The following ARHGAP32 variants were observed in gnomAD, a reference collection of about 807,000 sequenced individuals.
ARHGAP32 encodes Rho GTPase activating protein 32, also known as rho GTPase-activating protein 32.
In ARHGAP32, 51 loss-of-function variants were observed where a neutral mutation model predicts 186.5. That is an observed-to-expected ratio of 0.27 (90% CI 0.22 to 0.35). The LOEUF is 0.35. ARHGAP32 is among the 10% of genes least tolerant of loss of function. The pLI, the probability that ARHGAP32 is intolerant of heterozygous loss-of-function variation, is 1.00. For missense variants in ARHGAP32, 2,186 were observed against 2,623.5 expected (o/e 0.83, Z 3.64); for synonymous variants, 950 against 964.3 (o/e 0.99, Z 0.27).
At chr11:129,016,213 C>G (rs1487873758) in intron 11 of ARHGAP32, among the ~76,000 whole-genome samples, 1 of 152,044 alleles carries the variant, frequency 6.6e-6, no homozygotes, top group Non-Finnish European at 1.5e-5. Flanking sequence ...GCCCATTTTT[C>G]TATTTTGTTG....
intron 10 of ARHGAP32, among the ~76,000 whole-genome samples, chr11:129,058,766 C>G (rs927846086): frequency 6.6e-6 from 1 of 152,182 alleles, no homozygotes; most frequent in Non-Finnish European, 1.5e-5. Context: ...TAAAAACCAC[C>G]GAACTAAGCT....
chr11:129,064,564 AC>A (rs1940623836), intron 8 of ARHGAP32, among the ~76,000 whole-genome samples: 1 of 152,168 alleles, frequency 6.6e-6, no homozygotes, highest in South Asian at 2.1e-4. Context: ...AAAAATGTAC[AC>A]CTTGCTGAAT....
chr11:129,246,514 C>G (rs1307137855), intron 1 of ARHGAP32, among the ~76,000 whole-genome samples: 1 of 152,024 alleles, frequency 6.6e-6, no homozygotes, highest in Non-Finnish European at 1.5e-5. Context: ...ATTATGAAAG[C>G]CAATACCTCG....
At chr11:129,086,739 T>G (rs1391269661) in intron 6 of ARHGAP32, among the ~76,000 whole-genome samples, 1 of 148,456 alleles carries the variant, frequency 6.7e-6, no homozygotes, top group Non-Finnish European at 1.5e-5. Context: ...GAGAATGGCG[T>G]GAACCCGGGA....
intron 1 of ARHGAP32, among the ~76,000 whole-genome samples, chr11:129,233,189 C>T (rs1944881933): frequency 6.6e-6 from 1 of 151,840 alleles, no homozygotes; most frequent in African/African-American, 2.4e-5. Context: ...TAGAGATGTG[C>T]ACTGAAATAG....
At chr11:129,127,407 G>C (rs528752329) in intron 2 of ARHGAP32, among the ~76,000 whole-genome samples, 5 of 152,168 alleles carry the variant, frequency 3.3e-5, no homozygotes, top group Non-Finnish European at 5.9e-5. Context: ...AGTTCAACTA[G>C]TCTGTGCCCA....
chr11:129,131,952 A>G (rs1209099476), intron 2 of ARHGAP32, among the ~76,000 whole-genome samples: 2 of 152,148 alleles, frequency 1.3e-5, no homozygotes, highest in Non-Finnish European at 2.9e-5. Context: ...TTTTATTTTT[A>G]AGTTCTGGGG....
At chr11:128,981,111 G>A (rs1351427554) in intron 17 of ARHGAP32, among the ~76,000 whole-genome samples, 2 of 152,128 alleles carry the variant, frequency 1.3e-5, no homozygotes, top group African/African-American at 4.8e-5. Flanking sequence ...CAATCACTCA[G>A]ATATTTTTAG....
chr11:129,238,637 C>G (rs563809390), intron 1 of ARHGAP32, among the ~76,000 whole-genome samples: 2 of 152,026 alleles, frequency 1.3e-5, no homozygotes, highest in Non-Finnish European at 2.9e-5. Context: ...CAGCTACTTA[C>G]AAGGCTCAGG....
At chr11:129,135,183 T>C (rs181326710) in intron 2 of ARHGAP32, among the ~76,000 whole-genome samples, 1 of 152,294 alleles carries the variant, frequency 6.6e-6, no homozygotes, top group East Asian at 1.9e-4. Context: ...AAACTAATTC[T>C]AAAAATGTAT....
At chr11:129,124,379 G>A (rs1418774572) in intron 3 of ARHGAP32, among the ~76,000 whole-genome samples, 2 of 152,108 alleles carry the variant, frequency 1.3e-5, no homozygotes, top group Admixed American at 1.3e-4. Context: ...CATAGCTTCA[G>A]ATTAGAGATG....
chr11:129,038,158 A>G (rs936963326), intron 11 of ARHGAP32, among the ~76,000 whole-genome samples: 4 of 152,014 alleles, frequency 2.6e-5, no homozygotes, highest in African/African-American at 9.7e-5. Context: ...AAATTCAGGA[A>G]TAAATCTAGG....
At chr11:129,231,384 C>A (rs1201902136) in intron 1 of ARHGAP32, among the ~76,000 whole-genome samples, 1 of 151,912 alleles carries the variant, frequency 6.6e-6, no homozygotes, top group Non-Finnish European at 1.5e-5. Flanking sequence ...AAAGAAAATG[C>A]AAAATGCTTG....
intron 21 of ARHGAP32, 55 bp downstream of exon 21, chr11:128,974,069 C>T (rs1361735936): frequency 1.3e-6 from 2 of 1,575,120 alleles, no homozygotes; most frequent in African/African-American, 1.4e-5. Context: ...AGATGGCACA[C>T]AGGATTGAAG....
intron 5 of ARHGAP32, among the ~76,000 whole-genome samples, chr11:129,101,974 C>A (rs1465972470): frequency 6.6e-6 from 1 of 152,134 alleles, no homozygotes; most frequent in African/African-American, 2.4e-5. Context: ...AGGTCACCAA[C>A]AAAGGGAAGC....
intron 11 of ARHGAP32, among the ~76,000 whole-genome samples, chr11:129,010,730 T>A (rs79891574): frequency 1.1e-3 from 161 of 152,352 alleles, no homozygotes; most frequent in African/African-American, 3.6e-3. Context: ...TTGAATTTCA[T>A]GGATATGTAA....
intron 11 of ARHGAP32, among the ~76,000 whole-genome samples, chr11:129,000,964 A>T (rs1161011610): frequency 1.3e-5 from 2 of 152,048 alleles, no homozygotes; most frequent in Non-Finnish European, 2.9e-5. Flanking sequence ...GAATCTCATT[A>T]TTTTTTTATG....
chr11:129,139,662 C>T (rs1318986869), intron 2 of ARHGAP32, among the ~76,000 whole-genome samples: 1 of 152,108 alleles, frequency 6.6e-6, no homozygotes, highest in East Asian at 1.9e-4. Flanking sequence ...CGCACAAGCT[C>T]TCTCTCTTTG....
intron 1 of ARHGAP32, among the ~76,000 whole-genome samples, chr11:129,235,379 G>A (rs1424130959): frequency 6.6e-6 from 1 of 152,060 alleles, no homozygotes; most frequent in Non-Finnish European, 1.5e-5. Flanking sequence ...CTACACTCTT[G>A]CCTGAGCTCC....
Sources: gnomAD v4.1 joint callset for allele counts (sites outside exome capture counted in the v4.1 genomes callset) on GRCh38, gnomAD v4.1.1 for gene constraint, MANE v1.5 for transcripts, NCBI Gene and HGNC (gene_info 2026-07-23, HGNC 2026-07-21) for gene names.